Variants in ZNF451 observed in about 807,000 individuals in gnomAD.
The protein encoded by ZNF451 is zinc finger protein 451.
Under a neutral mutation model 107.1 loss-of-function variants are expected in ZNF451, and 80 were observed. That is an observed-to-expected ratio of 0.75 (90% CI 0.62 to 0.90). ZNF451 has a LOEUF of 0.90. ZNF451 is among the 40% of genes least tolerant of loss of function. ZNF451 has a pLI of 0.00. For synonymous variants in ZNF451, 362 were observed against 406.5 expected, an observed-to-expected ratio of 0.89 and a Z score of 1.32; for missense variants, 1,107 against 1,236.2, an observed-to-expected ratio of 0.90 and a Z score of 1.57.
At chr6:57,105,769 G>A (rs1053512734) in intron 3 of ZNF451, 2 of 985,190 alleles carry the variant, frequency 2.0e-6, no homozygotes, top group African/African-American at 1.7e-5. Context: ...TTGATAAGTG[G>A]ATGTGTTTAC....
At chr6:57,139,078 T>C (rs1831622253) in intron 7 of ZNF451, among the ~76,000 whole-genome samples, 1 of 152,110 alleles carries the variant, frequency 6.6e-6, no homozygotes, top group South Asian at 2.1e-4. Context: ...GAAATATGTA[T>C]AAATTGGTGG....
intron 7 of ZNF451, among the ~76,000 whole-genome samples, chr6:57,138,731 ATATATATATATGTGTG>A (rs1831576728): frequency 1.8e-5 from 2 of 113,292 alleles, no homozygotes; most frequent in African/African-American, 6.7e-5. Flanking sequence ...ATATATATAT[ATATATATATATGTGTG>A]TGTGTGTGTG....
intron 9 of ZNF451, among the ~76,000 whole-genome samples, chr6:57,145,446 C>A (rs1593154019): frequency 1.3e-5 from 2 of 152,280 alleles, no homozygotes; most frequent in South Asian, 4.1e-4. Context: ...AACCCTCACC[C>A]ATTTCCCAAC....
At chr6:57,143,558 A>C (rs1332074388) in intron 9 of ZNF451, among the ~76,000 whole-genome samples, 1 of 152,200 alleles carries the variant, frequency 6.6e-6, no homozygotes, top group Non-Finnish European at 1.5e-5. Flanking sequence ...TAAAAATATA[A>C]ATTTCCCACT....
At chr6:57,109,210 T>G (rs1327492090) in intron 3 of ZNF451, 2 of 985,332 alleles carry the variant, frequency 2.0e-6, no homozygotes, top group Non-Finnish European at 1.2e-6. Context: ...TCTGTTTCCA[T>G]TCATTTTCAG....
intron 3 of ZNF451, chr6:57,106,070 T>C (rs1206316763): frequency 1.0e-6 from 1 of 985,356 alleles, no homozygotes; most frequent in African/African-American, 1.7e-5. Context: ...AGTGACCTGA[T>C]TGATAATGTC....
In ZNF451 at chr6:57,105,042, T is replaced by C. The variant is rs1829782853; in HGVS notation, c.186+5901T>C. On this transcript the variant is annotated intron_variant, in intron 3 of 14. Transcript: ENST00000370706. Reference sequence around the variant, plus strand: ...AATCTCTGGCATACTTGAATGATAATGTTATAAAACTTAAAGTGAGGATTT... The same window carrying C: ...AATCTCTGGCATACTTGAATGATAACGTTATAAAACTTAAAGTGAGGATTT... 5 of 984,670 alleles carry C rather than the reference T, an allele frequency of 5.1e-6. No individual in the cohort carries two copies. The African/African-American group carries it at 5.2e-5, about 10-fold the overall frequency. The allele number at this position is 984,670 out of a possible 1,614,324, so 61.0% of individuals were successfully genotyped here.
At chr6:57,104,618 AAAAAG>A in intron 3 of ZNF451, 3 of 985,292 alleles carry the variant, frequency 3.0e-6, no homozygotes, top group Non-Finnish European at 3.6e-6. Flanking sequence ...AAAAAGAAAA[AAAAAG>A]GCACATAAAG....
At chr6:57,167,405 G>T (rs1211560904) in intron 14 of ZNF451, among the ~76,000 whole-genome samples, 4 of 152,106 alleles carry the variant, frequency 2.6e-5, no homozygotes, top group African/African-American at 9.7e-5. Flanking sequence ...TCATATCTTA[G>T]ACAAGTCTTG....
At chr6:57,142,841 C>A (rs1166999249) in intron 9 of ZNF451, among the ~76,000 whole-genome samples, 4 of 152,122 alleles carry the variant, frequency 2.6e-5, no homozygotes. Context: ...TTACTCTTCA[C>A]CCTTGCTAAC....
At chr6:57,127,907 T>C (rs1344826416) in intron 4 of ZNF451, among the ~76,000 whole-genome samples, 1 of 152,196 alleles carries the variant, frequency 6.6e-6, no homozygotes, top group Non-Finnish European at 1.5e-5. Flanking sequence ...GTCATTGGCC[T>C]GCTGCCTGCT....
At chr6:57,128,621 C>G (rs927498203) in intron 4 of ZNF451, 108 bp from the exon 5 acceptor site, 6 of 673,438 alleles carry the variant, frequency 8.9e-6, no homozygotes, top group African/African-American at 7.4e-5. Flanking sequence ...ATGTGGAGTT[C>G]TGGGGATAAA....
chr6:57,150,679 A>G (rs1402680113), intron 10 of ZNF451, 40 bp from the exon 11 acceptor site: 4 of 1,549,152 alleles, frequency 2.6e-6, no homozygotes, highest in Middle Eastern at 1.7e-4. Context: ...GATTTTAGCA[A>G]ATTCTTACTG....
intron 5 of ZNF451, among the ~76,000 whole-genome samples, chr6:57,131,324 C>G (rs1831168007): frequency 6.6e-6 from 1 of 152,048 alleles, no homozygotes; most frequent in Non-Finnish European, 1.5e-5. Flanking sequence ...CTGTTTAAAT[C>G]TCTGTATTTT....
At chr6:57,113,158 G>GGCCCAATGTCTGCTGTTCCCCT (rs1487092366) in intron 3 of ZNF451, among the ~76,000 whole-genome samples, 9 of 151,974 alleles carry the variant, frequency 5.9e-5, no homozygotes, top group African/African-American at 1.9e-4. Flanking sequence ...CCCTCATTCA[G>GGCCCAATGTCTGCTGTTCCCCT]GCCCAATGTC....
chr6:57,148,471 A>G lies in ZNF451; in HGVS notation c.2386A>G (p.Lys796Glu), dbSNP rs1296093734. The G allele has an allele frequency of 1.2e-6, 2 of 1,614,114 alleles. No individual in the cohort carries two copies. Among genetic ancestry groups the G allele is most frequent in the African/African-American group, 1.3e-5 (1 of 75,070 alleles). Residue 796 changes from lysine (K) to glutamate (E), a missense_variant, in exon 10 of 15, where the codon AAA (lysine) becomes GAA (glutamate). Lys to Glu is a moderately conservative substitution (Grantham distance 56). Transcript: ENST00000370706. The stretch of plus-strand genomic sequence containing the variant: ...TGTAATCAAGTGTGGCACCTGCACC[A>G]AAGCATTTCATGATCCTGAGAGTGC... ...QYVIKCGTCT[K>E]AFHDPESAQQ...
rs1484602361 is a variant in ZNF451 at position 57,128,780 on chromosome 6, C to T, written c.364C>T (p.Arg122Ter). 3.7e-6 allele frequency: 6 copies of T among 1,612,788 alleles called. No homozygotes were observed. The highest frequency in any genetic ancestry group is 5.1e-6 in the Non-Finnish European group (6 of 1,179,338). ...AHGLQELEFI[R>*]GHSDTEAARL... ...TGGGTTACAAGAATTGGAATTTATT[C>T]GAGGACATTCTGATACAGAAGCAGC... Residue 122 changes from arginine to a stop codon, truncating the protein, a stop_gained, in exon 5 of 15, where the codon CGA becomes TGA. Coordinates refer to ENST00000370706, the MANE Select transcript of ZNF451 (RefSeq NM_001031623.3). LOFTEE classifies it high-confidence loss of function.
intron 14 of ZNF451, among the ~76,000 whole-genome samples, chr6:57,167,924 T>C (rs1414341436): frequency 1.3e-5 from 2 of 152,252 alleles, no homozygotes; most frequent in Admixed American, 6.5e-5. Context: ...TTTATGTGGC[T>C]ATGAGTTTCA....
In ZNF451 at chr6:57,095,832, G is replaced by A. The variant is rs1316309994; in HGVS notation, c.106-3229G>A. Among the ~76,000 whole-genome samples, 3 of 150,052 alleles carry A rather than the reference G, an allele frequency of 2.0e-5. No homozygotes were observed. The South Asian group carries it at 6.3e-4, about 32-fold the overall frequency. On this transcript the variant is annotated intron_variant, in intron 2 of 14. Coordinates refer to ENST00000370706, the MANE Select transcript of ZNF451 (RefSeq NM_001031623.3). ...TTTTTTTTTTGTTGTTGTTGTTGTT[G>A]TTGTTGTTGAGACAAGAGTCCCTCT...
Sources: allele counts gnomAD v4.1 joint callset (sites outside exome capture counted in the v4.1 genomes callset), GRCh38; gene constraint gnomAD v4.1.1; transcripts MANE v1.5; gene names NCBI Gene and HGNC (gene_info 2026-07-23, HGNC 2026-07-21).